MTUS1: variants seen among roughly 807,000 people sequenced by gnomAD.
MTUS1 encodes the protein microtubule-associated tumor suppressor 1.
Under a neutral mutation model 120.8 loss-of-function variants are expected in MTUS1, and 109 were observed. The ratio of observed to expected loss-of-function variants is 0.90; its 90% CI spans 0.77 to 1.06. The LOEUF is 1.06. Among genes scored for constraint, MTUS1 ranks in the 50% least tolerant of loss-of-function variants. MTUS1 has a pLI of 0.00. For synonymous variants in MTUS1, 737 were observed against 550.5 expected, an observed-to-expected ratio of 1.34 and a Z score of -4.74; for missense variants, 2,210 against 1,486.3, an observed-to-expected ratio of 1.49 and a Z score of -8.01.
intron 12 of MTUS1, among the ~76,000 whole-genome samples, chr8:17,652,420 T>G (rs115733432): frequency 0.016 from 2,412 of 152,254 alleles, 67 homozygotes; most frequent in African/African-American, 0.054. Flanking sequence ...ATCAACCTTT[T>G]CTATTCATTC....
Position 17,743,620 on chromosome 8 carries a change from C to A in MTUS1, c.2271G>T (p.Arg757Ser), listed in dbSNP as rs777233433. 2.5e-6 allele frequency: 4 copies of A among 1,613,980 alleles called. No homozygotes were observed. In the East Asian group the frequency reaches 6.7e-5, roughly 27 times the overall value. The change falls in exon 3 of 15, where the codon AGG (arginine) becomes AGT (serine). Residue 757 changes from arginine (R) to serine (S), a missense_variant. Physicochemically the swap from Arg to Ser is moderately radical, Grantham distance 110 (BLOSUM62 -1). Transcript: ENST00000693296. ...ADRAVSPQRI[R>S]RVSSSGKPTS... ...TATTCTTACCAGAACTGGACACACG[C>A]CTGATCCTCTGAGGAGATACGGCTC...
chr8:17,684,599 C>A (rs1352020202), intron 6 of MTUS1, 57 bp from the exon 7 acceptor site: 1 of 1,395,368 alleles, frequency 7.2e-7, no homozygotes, highest in Non-Finnish European at 1.0e-6. Context: ...TTAAAATCAC[C>A]ACCACAAGGA....
intron 7 of MTUS1, 127 bp from the exon 8 acceptor site, chr8:17,675,379 A>C (rs923633732): frequency 1.0e-5 from 7 of 690,472 alleles, no homozygotes; most frequent in Non-Finnish European, 1.7e-5. Flanking sequence ...ATTTAGGCTA[A>C]CAATTTGTGT....
chr8:17,647,692 G>C (rs1477661968), intron 13 of MTUS1, among the ~76,000 whole-genome samples: 2 of 152,156 alleles, frequency 1.3e-5, no homozygotes, highest in Non-Finnish European at 2.9e-5. Context: ...CTGTTCTCTT[G>C]CTGCCCTGTG....
chr8:17,753,839 G>A lies in MTUS1; in HGVS notation c.1969C>T (p.Pro657Ser). ...TCAGGGCTAATCCTATCAATGTTGG[G>A]AACATAGGTCATTTCCAAACATTCT... is the stretch of plus-strand genomic sequence containing the variant. ...SAECLEMTYV[P>S]NIDRISPEKK... Residue 657 changes from proline to serine, a missense_variant, in exon 2 of 15, where the codon CCC becomes TCC. Transcript: ENST00000693296. 2.5e-6 allele frequency: 4 copies of A among 1,614,030 alleles called. No homozygotes were observed. The highest frequency in any genetic ancestry group is 3.4e-6 in the Non-Finnish European group (4 of 1,179,970).
At chr8:17,674,120 C>G (rs1208334900) in intron 8 of MTUS1, among the ~76,000 whole-genome samples, 1 of 152,144 alleles carries the variant, frequency 6.6e-6, no homozygotes. Context: ...GGTCAGATCA[C>G]TCCAAGATAC....
intron 6 of MTUS1, among the ~76,000 whole-genome samples, chr8:17,703,606 G>C (rs1185383812): frequency 1.4e-5 from 2 of 146,320 alleles, no homozygotes; most frequent in African/African-American, 5.1e-5. Context: ...CGCAGCCTGG[G>C]TGACAGAGCC....
At chr8:17,663,669 C>T (rs1322894514) in intron 8 of MTUS1, among the ~76,000 whole-genome samples, 1 of 152,160 alleles carries the variant, frequency 6.6e-6, no homozygotes, top group Non-Finnish European at 1.5e-5. Context: ...AATCTCAGCT[C>T]ACTGCAACCT....
chr8:17,754,815 C>T lies in MTUS1; in HGVS notation c.993G>A (p.Lys331=). 5 of 1,614,218 alleles carry T rather than the reference C, an allele frequency of 3.1e-6. No individual in the cohort carries two copies. The highest frequency in any genetic ancestry group is 1.1e-5 in the South Asian group (1 of 91,080). The change falls in exon 2 of 15, where the codon AAG becomes AAA. Residue 331 remains lysine (K), a synonymous_variant. Coordinates refer to ENST00000693296, the MANE Select transcript of MTUS1 (RefSeq NM_001363059.2). The part of the protein sequence containing the change: ...EPHSQSSYRH[K]EMGQNLRETV... ...TCTCTCTCAGATTTTGGCCCATTTC[C>T]TTGTGCCTGTATGAGCTCTGTGAAT...
intron 11 of MTUS1, 33 bp downstream of exon 11, chr8:17,653,392 G>C (rs746308627): frequency 6.5e-7 from 1 of 1,530,838 alleles, no homozygotes; most frequent in South Asian, 1.2e-5. Flanking sequence ...ATTTTTTTTT[G>C]TGGGGGATAC....
chr8:17,726,394 T>C (rs1489365281), intron 3 of MTUS1, among the ~76,000 whole-genome samples: 1 of 152,164 alleles, frequency 6.6e-6, no homozygotes. Context: ...CTCCACATTC[T>C]TCTTGGACCA....
chr8:17,745,637 C>A (rs2047685571), intron 2 of MTUS1, among the ~76,000 whole-genome samples: 1 of 152,234 alleles, frequency 6.6e-6, no homozygotes, highest in Admixed American at 6.5e-5. Flanking sequence ...TACTCAAGAT[C>A]ACCAGTGTCA....
chr8:17,686,842 G>A (rs984982206), intron 6 of MTUS1, among the ~76,000 whole-genome samples: 3 of 152,104 alleles, frequency 2.0e-5, no homozygotes, highest in Non-Finnish European at 4.4e-5. Context: ...CAGCTAAAAA[G>A]TATCCTGAAG....
intron 1 of MTUS1, among the ~76,000 whole-genome samples, chr8:17,793,439 T>G (rs1025986784): frequency 6.6e-6 from 1 of 152,058 alleles, no homozygotes; most frequent in South Asian, 2.1e-4. Context: ...ATAAGGAAAT[T>G]AATACCTGTG....
intron 8 of MTUS1, among the ~76,000 whole-genome samples, chr8:17,664,645 A>G (rs1294635579): frequency 6.6e-6 from 1 of 151,946 alleles, no homozygotes; most frequent in Non-Finnish European, 1.5e-5. Flanking sequence ...GGTAAACAGA[A>G]CTGTCACTTC....
At chr8:17,683,863 G>T (rs1351638370) in intron 7 of MTUS1, among the ~76,000 whole-genome samples, 1 of 152,092 alleles carries the variant, frequency 6.6e-6, no homozygotes, top group East Asian at 1.9e-4. Context: ...ATTGTTTTAG[G>T]AATAAACAGA....
chr8:17,661,419 G>A (rs1809664812), intron 8 of MTUS1, among the ~76,000 whole-genome samples: 1 of 152,194 alleles, frequency 6.6e-6, no homozygotes, highest in African/African-American at 2.4e-5. Flanking sequence ...AGTGAACTCA[G>A]GGACTCAGCA....
chr8:17,656,394 A>G (rs1277634063), intron 8 of MTUS1, among the ~76,000 whole-genome samples: 2 of 151,832 alleles, frequency 1.3e-5, no homozygotes, highest in African/African-American at 2.4e-5. Context: ...CGGGCATGGT[A>G]GCAGGTGCCT....
chr8:17,792,707 T>C (rs557035444), intron 1 of MTUS1, among the ~76,000 whole-genome samples: 1 of 152,186 alleles, frequency 6.6e-6, no homozygotes, highest in South Asian at 2.1e-4. Flanking sequence ...CTACCAAAAA[T>C]ACAAAAATTA....
Sources: gnomAD v4.1 joint callset for allele counts (sites outside exome capture counted in the v4.1 genomes callset) on GRCh38, gnomAD v4.1.1 for gene constraint, MANE v1.5 for transcripts, NCBI Gene and HGNC (gene_info 2026-07-23, HGNC 2026-07-21) for gene names.